Variants in PTP4A1 observed in about 807,000 individuals in gnomAD.
PTP4A1 encodes the protein protein tyrosine phosphatase 4A1, also known as protein tyrosine phosphatase type IVA 1.
PTP4A1 carries 9 observed loss-of-function variants against 20.5 expected under a neutral mutation model. The observed-to-expected ratio is 0.44, with a 90% CI of 0.26 to 0.77. PTP4A1 has a LOEUF of 0.77. Among genes scored for constraint, PTP4A1 ranks in the 30% least tolerant of loss-of-function variants. PTP4A1 has a pLI of 0.19. For missense variants in PTP4A1, 137 were observed against 218.8 expected, an observed-to-expected ratio of 0.63 and a Z score of 2.36; for synonymous variants, 78 against 67.4, an observed-to-expected ratio of 1.16 and a Z score of -0.77.
At chr6:63,536,195 G>A (rs1023166952) in intron 2 of PTP4A1, among the ~76,000 whole-genome samples, 5 of 152,276 alleles carry the variant, frequency 3.3e-5, no homozygotes, top group African/African-American at 1.2e-4. Flanking sequence ...GCTGGGCGTG[G>A]TGGCGGGTGC....
chr6:63,561,834 A>G (rs1280976618), intron 3 of PTP4A1, among the ~76,000 whole-genome samples: 1 of 152,240 alleles, frequency 6.6e-6, no homozygotes, highest in African/African-American at 2.4e-5. Context: ...ACATGGAATC[A>G]GAACGAAAGT....
At chr6:63,579,190 T>G in intron 4 of PTP4A1, 67 bp from the exon 5 acceptor site, 1 of 1,505,202 alleles carries the variant, frequency 6.6e-7, no homozygotes, top group Non-Finnish European at 9.1e-7. Flanking sequence ...TGGGGAATGT[T>G]TGGAGAAATA....
At chr6:63,543,227 C>T (rs758274907) in intron 2 of PTP4A1, among the ~76,000 whole-genome samples, 13 of 152,270 alleles carry the variant, frequency 8.5e-5, no homozygotes, top group Non-Finnish European at 1.3e-4. Flanking sequence ...ACTGAAAGTT[C>T]CTTATCCCAG....
chr6:63,561,998 T>C (rs973788351), intron 3 of PTP4A1, among the ~76,000 whole-genome samples: 2 of 152,080 alleles, frequency 1.3e-5, no homozygotes, highest in African/African-American at 4.8e-5. Flanking sequence ...AGTATCATTT[T>C]TGGAAAAAAA....
At chr6:63,525,379 C>T (rs1016729030) in intron 1 of PTP4A1, among the ~76,000 whole-genome samples, 4 of 152,144 alleles carry the variant, frequency 2.6e-5, no homozygotes, top group South Asian at 2.1e-4. Flanking sequence ...AGAGAACAGA[C>T]GGGAGGAAGG....
chr6:63,536,736 A>C (rs1173030630), intron 2 of PTP4A1, among the ~76,000 whole-genome samples: 2 of 152,218 alleles, frequency 1.3e-5, no homozygotes, highest in Non-Finnish European at 2.9e-5. Flanking sequence ...GTATCACTAC[A>C]AGAAAAAGCA....
chr6:63,559,286 A>G (rs1206536005), intron 3 of PTP4A1, among the ~76,000 whole-genome samples: 1 of 152,238 alleles, frequency 6.6e-6, no homozygotes, highest in Non-Finnish European at 1.5e-5. Flanking sequence ...ACTTGTAAAC[A>G]GCAAGGACTT....
At chr6:63,532,756 T>G (rs1036293584) in intron 2 of PTP4A1, among the ~76,000 whole-genome samples, 2 of 152,096 alleles carry the variant, frequency 1.3e-5, no homozygotes, top group Non-Finnish European at 2.9e-5. Flanking sequence ...CAAAAACACA[T>G]GAGCATGTTC....
chr6:63,536,974 G>A lies in PTP4A1; in HGVS notation c.-640+8890G>A, dbSNP rs1380840071. Among the ~76,000 whole-genome samples the A allele has an allele frequency of 2.6e-5, 4 of 152,220 alleles. No individual in the cohort carries two copies. The East Asian group carries it at 5.8e-4, about 22-fold the overall frequency. On this transcript the variant is annotated intron_variant, in intron 2 of 3. Coordinates refer to the PTP4A1 transcript ENST00000639568. The stretch of plus-strand genomic sequence containing the variant: ...ACTGGGTAACATGTCAAATGAATTA[G>A]AGAAAGTGGGAAAAGAGAGAATAAG...
At chr6:63,543,515 G>A (rs1776065649) in intron 2 of PTP4A1, among the ~76,000 whole-genome samples, 1 of 152,148 alleles carries the variant, frequency 6.6e-6, no homozygotes, top group Admixed American at 6.5e-5. Flanking sequence ...AACAGTATCT[G>A]ACAGGAAGAA....
rs568142392 is a variant in PTP4A1 at position 63,526,071 on chromosome 6, TC to T, written c.-905-1745del. Among the ~76,000 whole-genome samples, 32 of 152,264 alleles carry T rather than the reference TC, an allele frequency of 2.1e-4. 1 individual carries two copies. The South Asian group carries it at 6.4e-3, about 31-fold the overall frequency. On this transcript the variant is annotated intron_variant, in intron 1 of 3. Coordinates refer to the PTP4A1 transcript ENST00000639568. ...CAGGCGCAGTGGCTCATGCCTGTAA[TC>T]CCAACATTTTAGGAGGCCAAGGCGG... is the stretch of plus-strand genomic sequence containing the variant.
intron 3 of PTP4A1, among the ~76,000 whole-genome samples, chr6:63,561,478 A>G (rs1166302177): frequency 6.6e-6 from 1 of 152,158 alleles, no homozygotes; most frequent in Non-Finnish European, 1.5e-5. Flanking sequence ...GACAACCTTC[A>G]TATCTTTAGA....
chr6:63,518,251 G>C (rs1774803009), upstream of PTP4A1, among the ~76,000 whole-genome samples: 1 of 151,652 alleles, frequency 6.6e-6, no homozygotes. Context: ...ATTGCTGCCA[G>C]AGCACATCTT....
intron 2 of PTP4A1, among the ~76,000 whole-genome samples, chr6:63,540,082 C>T (rs769557598): frequency 1.3e-5 from 2 of 152,140 alleles, no homozygotes; most frequent in Non-Finnish European, 2.9e-5. Flanking sequence ...CATGCCCCTG[C>T]ACTTTAGCTC....
At chr6:63,562,916 C>G (rs1777027488) in intron 3 of PTP4A1, among the ~76,000 whole-genome samples, 1 of 152,204 alleles carries the variant, frequency 6.6e-6, no homozygotes, top group Non-Finnish European at 1.5e-5. Context: ...CCTATACATT[C>G]AGCACCATAG....
intron 3 of PTP4A1, among the ~76,000 whole-genome samples, chr6:63,560,174 C>T (rs182073949): frequency 1.5e-4 from 23 of 151,834 alleles, no homozygotes; most frequent in Admixed American, 1.2e-3. Flanking sequence ...CCCGTCTCTA[C>T]TAAAAATACA....
rs1053288837 is a variant in PTP4A1 at position 63,581,553 on chromosome 6, A to G, written c.*1379A>G. 4.6e-5 allele frequency: 7 copies of G among 152,300 alleles called. No individual in the cohort carries two copies. The allele number at this position is 152,300 out of a possible 1,614,324, so 9.4% of individuals were successfully genotyped here. A position where few individuals can be genotyped will look rare whatever the true frequency, so the allele number is the denominator to read the frequency against. ...TCCTCATCTTTTTACAAATAAATGAAGGATTATAAATGATGTCAGCATTTT... is the reference window on the plus strand; with the variant it reads ...TCCTCATCTTTTTACAAATAAATGAGGGATTATAAATGATGTCAGCATTTT... On this transcript the variant is annotated 3_prime_UTR_variant, in exon 6 of 6. Coordinates refer to ENST00000626021, the MANE Select transcript of PTP4A1 (RefSeq NM_003463.5).
intron 3 of PTP4A1, among the ~76,000 whole-genome samples, chr6:63,565,444 CT>C (rs1777151476): frequency 6.6e-6 from 1 of 151,680 alleles, no homozygotes; most frequent in African/African-American, 2.4e-5. Flanking sequence ...TTAAAATAGA[CT>C]TTAAAAAAAA....
rs1458533216 is a variant in PTP4A1 at position 63,580,916 on chromosome 6, G to A, written c.*742G>A. 1 of 152,538 alleles carries A rather than the reference G, an allele frequency of 6.6e-6. No homozygotes were observed. Among genetic ancestry groups the A allele is most frequent in the Non-Finnish European group, 1.5e-5 (1 of 68,012 alleles). The allele number at this position is 152,538 out of a possible 1,614,324, so 9.4% of individuals were successfully genotyped here. On this transcript the variant is annotated 3_prime_UTR_variant, in exon 6 of 6. Transcript: ENST00000626021. ...TTGCACTCTGAGGTGCAACTTAACA[G>A]GGAGGGCCTGAGAAAAGAATGGGAG...
Sources: allele counts gnomAD v4.1 joint callset (sites outside exome capture counted in the v4.1 genomes callset), GRCh38; gene constraint gnomAD v4.1.1; transcripts MANE v1.5; gene names NCBI Gene and HGNC (gene_info 2026-07-23, HGNC 2026-07-21).